The following TRPM6 variants were observed in gnomAD, a reference collection of about 807,000 sequenced individuals.
The protein encoded by TRPM6 is channel kinase 2.
In TRPM6, 111 loss-of-function variants were observed where a neutral mutation model predicts 247.6. The ratio of observed to expected loss-of-function variants is 0.45; its 90% CI spans 0.38 to 0.52. The LOEUF is 0.52. Ranked by LOEUF, TRPM6 falls within the 20% of genes least tolerant of loss-of-function variation. TRPM6 has a pLI of 0.00. For synonymous variants in TRPM6, 892 were observed against 853.8 expected (o/e 1.04, Z -0.78); for missense variants, 2,126 against 2,421.5 (o/e 0.88, Z 2.56).
At chr9:74,741,082 C>T (rs1825849341) in intron 33 of TRPM6, among the ~76,000 whole-genome samples, 1 of 152,044 alleles carries the variant, frequency 6.6e-6, no homozygotes, top group Non-Finnish European at 1.5e-5. Context: ...GCTAACATGT[C>T]TAAAGTGAAT....
intron 18 of TRPM6, 96 bp downstream of exon 18, chr9:74,796,645 G>T: frequency 7.7e-7 from 1 of 1,302,942 alleles, no homozygotes; most frequent in Non-Finnish European, 1.1e-6. Flanking sequence ...CATAACTTTT[G>T]TTTAATAGAT....
intron 36 of TRPM6, among the ~76,000 whole-genome samples, chr9:74,735,176 G>T (rs1037256330): frequency 4.0e-5 from 6 of 151,878 alleles, no homozygotes; most frequent in Admixed American, 2.6e-4. Flanking sequence ...AGCCATGACT[G>T]CCACTGCATT....
chr9:74,879,393 T>C (rs1054648995), intron 1 of TRPM6, among the ~76,000 whole-genome samples: 2 of 151,860 alleles, frequency 1.3e-5, no homozygotes, highest in African/African-American at 2.4e-5. Context: ...ACCATGGATA[T>C]ATATAGGGTT....
At chr9:74,870,497 T>C (rs1830987456) in intron 1 of TRPM6, among the ~76,000 whole-genome samples, 1 of 152,228 alleles carries the variant, frequency 6.6e-6, no homozygotes, top group Non-Finnish European at 1.5e-5. Flanking sequence ...TTTTCTTCTG[T>C]AGCCTGTAGG....
At chr9:74,819,377 C>T (rs1425051930) in intron 9 of TRPM6, among the ~76,000 whole-genome samples, 1 of 151,924 alleles carries the variant, frequency 6.6e-6, no homozygotes, top group Non-Finnish European at 1.5e-5. Context: ...GCCATGGTGG[C>T]TCATGCCTAT....
At chr9:74,851,510 G>A (rs947497061) in intron 3 of TRPM6, among the ~76,000 whole-genome samples, 13 of 151,990 alleles carry the variant, frequency 8.6e-5, no homozygotes, top group Non-Finnish European at 1.3e-4. Context: ...CACTTTGGGA[G>A]GCTGAGGACG....
intron 5 of TRPM6, among the ~76,000 whole-genome samples, chr9:74,835,356 T>A (rs1375777109): frequency 6.6e-6 from 1 of 151,504 alleles, no homozygotes; most frequent in African/African-American, 2.4e-5. Context: ...ATGGGTAGAC[T>A]GCAAAAATTT....
intron 19 of TRPM6, 84 bp from the exon 20 acceptor site, chr9:74,788,826 A>G: frequency 1.3e-6 from 2 of 1,528,548 alleles, no homozygotes; most frequent in Non-Finnish European, 1.8e-6. Flanking sequence ...GCAGAAACCC[A>G]GGCATGAACT....
In TRPM6 at chr9:74,819,242, G is replaced by A. The variant is rs1037835698; in HGVS notation, c.1134+1062C>T. 1.8e-4 allele frequency among the ~76,000 whole-genome samples: 28 copies of A among 151,884 alleles called. 1 individual carries two copies. The highest frequency in any genetic ancestry group is 2.9e-5 in the Non-Finnish European group (2 of 67,996). ...GAGAATCACTTGAGCCTAGGAGGTG[G>A]AGGTTGCAGCGAGCCAAGATCTCGC... is the stretch of plus-strand genomic sequence containing the variant. On this transcript the variant is annotated intron_variant, in intron 9 of 38. Transcript: ENST00000360774.
intron 12 of TRPM6, 23 bp from the exon 13 acceptor site, chr9:74,810,891 G>T (rs1224110019): frequency 6.2e-7 from 1 of 1,601,596 alleles, no homozygotes. Flanking sequence ...ACAAAAGGAA[G>T]AATTATTCTC....
intron 24 of TRPM6, among the ~76,000 whole-genome samples, chr9:74,772,813 G>T (rs1827093608): frequency 6.6e-6 from 1 of 152,182 alleles, no homozygotes; most frequent in Non-Finnish European, 1.5e-5. Context: ...TTCAAGACCA[G>T]CCTGGCCAAC....
chr9:74,740,198 G>A (rs1259803611), intron 33 of TRPM6, among the ~76,000 whole-genome samples, 189 bp from the exon 34 acceptor site: 1 of 152,194 alleles, frequency 6.6e-6, no homozygotes, highest in Non-Finnish European at 1.5e-5. Context: ...TTATTGTCTA[G>A]TAGATGTGGG....
rs1422116108 is a variant in TRPM6, at chr9:74,723,490, T to C, written c.*1123A>G. On this transcript the variant is annotated 3_prime_UTR_variant, in exon 39 of 39. Coordinates refer to ENST00000360774, the MANE Select transcript of TRPM6 (RefSeq NM_017662.5). Reference sequence around the variant, plus strand: ...CTTAATGATTTCCAGTTCTTCATATTCTTGTTCTCGTTTAAAAAAAAAAAA... The same window carrying C: ...CTTAATGATTTCCAGTTCTTCATATCCTTGTTCTCGTTTAAAAAAAAAAAA... 1.3e-5 allele frequency: 2 copies of C among 149,924 alleles called. No individual in the cohort carries two copies. The highest frequency in any genetic ancestry group is 3.0e-5 in the Non-Finnish European group (2 of 67,714). 9.3% of individuals were successfully genotyped at this position (149,924 alleles called of 1,614,324 possible).
At chr9:74,823,283 G>A (rs1457721112) in intron 7 of TRPM6, among the ~76,000 whole-genome samples, 2 of 152,106 alleles carry the variant, frequency 1.3e-5, no homozygotes, top group Non-Finnish European at 2.9e-5. Context: ...AGCTTACTAG[G>A]ATGCCCAAAG....
At chr9:74,828,251 G>T (rs1829417076) in intron 6 of TRPM6, among the ~76,000 whole-genome samples, 1 of 152,154 alleles carries the variant, frequency 6.6e-6, no homozygotes, top group African/African-American at 2.4e-5. Flanking sequence ...AGCTACTTGG[G>T]AGGCTGAGGC....
chr9:74,856,290 A>T lies in TRPM6; in HGVS notation c.114-725T>A, dbSNP rs563218305. ...CTTGACTCTTATAAAAATTCAAAAA[A>T]TTAGCCCTGTGTGCTGATATGTGCC... On this transcript the variant is annotated intron_variant, in intron 2 of 38. Transcript: ENST00000360774. 2.4e-3 allele frequency among the ~76,000 whole-genome samples: 367 copies of T among 152,200 alleles called. 1 individual carries two copies. Among genetic ancestry groups the T allele is most frequent in the African/African-American group, 8.6e-3 (357 of 41,530 alleles).
chr9:74,797,883 T>C (rs1828157059), intron 17 of TRPM6, among the ~76,000 whole-genome samples: 2 of 152,128 alleles, frequency 1.3e-5, no homozygotes, highest in African/African-American at 4.8e-5. Flanking sequence ...GTTGATATTA[T>C]AAAATCAAGA....
At chr9:74,749,995 A>C (rs1160565306) in intron 30 of TRPM6, among the ~76,000 whole-genome samples, 3 of 152,228 alleles carry the variant, frequency 2.0e-5, no homozygotes, top group Non-Finnish European at 4.4e-5. Context: ...TGCAACTAGG[A>C]AAGTCCAGAA....
At chr9:74,771,202 C>T (rs1043528139) in intron 25 of TRPM6, among the ~76,000 whole-genome samples, 3 of 152,234 alleles carry the variant, frequency 2.0e-5, no homozygotes, top group African/African-American at 7.2e-5. Flanking sequence ...ACTCAATGCC[C>T]TCAGAGCGAC....
Sources: gnomAD v4.1 joint callset for allele counts (sites outside exome capture counted in the v4.1 genomes callset) on GRCh38, gnomAD v4.1.1 for gene constraint, MANE v1.5 for transcripts, NCBI Gene and HGNC (gene_info 2026-07-23, HGNC 2026-07-21) for gene names.